ASIC2: variants seen among roughly 807,000 people sequenced by gnomAD.
ASIC2 encodes the protein acid sensing ion channel subunit 2.
Under a neutral mutation model 57.3 loss-of-function variants are expected in ASIC2, and 25 were observed. That is an observed-to-expected ratio of 0.44 (90% confidence interval 0.32 to 0.61). ASIC2 has a LOEUF of 0.61. Ranked by LOEUF, ASIC2 falls within the 20% of genes least tolerant of loss-of-function variation. The pLI is 0.06. For synonymous variants in ASIC2, 319 were observed against 307.5 expected, an observed-to-expected ratio of 1.04 and a Z score of -0.39; for missense variants, 641 against 738.1, an observed-to-expected ratio of 0.87 and a Z score of 1.52.
At chr17:33,506,402 G>T (rs891193906) in intron 1 of ASIC2, among the ~76,000 whole-genome samples, 2 of 147,574 alleles carry the variant, frequency 1.4e-5, no homozygotes, top group African/African-American at 2.5e-5. Flanking sequence ...GACAAAGCAG[G>T]ACTCCGTCTC....
intron 1 of ASIC2, among the ~76,000 whole-genome samples, chr17:33,983,394 C>T (rs145911141): frequency 7.7e-4 from 117 of 152,240 alleles, no homozygotes; most frequent in Admixed American, 1.6e-3. Context: ...ATGAAATGCT[C>T]CCAACAGCCA....
intron 1 of ASIC2, among the ~76,000 whole-genome samples, chr17:33,958,999 T>C (rs1048475607): frequency 2.0e-5 from 3 of 152,272 alleles, no homozygotes; most frequent in Admixed American, 6.5e-5. Context: ...ACCAGTCTCT[T>C]TGCAAAAAGC....
At chr17:33,304,316 G>A (rs1329526922) in intron 1 of ASIC2, among the ~76,000 whole-genome samples, 1 of 152,218 alleles carries the variant, frequency 6.6e-6, no homozygotes, top group Admixed American at 6.5e-5. Context: ...AGGCGAGACA[G>A]GGTTTAGTTA....
At chr17:33,285,627 A>G (rs1905125148) in intron 1 of ASIC2, among the ~76,000 whole-genome samples, 1 of 152,226 alleles carries the variant, frequency 6.6e-6, no homozygotes, top group Non-Finnish European at 1.5e-5. Context: ...TTCCCAGGAC[A>G]CACCCTGCCT....
intron 1 of ASIC2, among the ~76,000 whole-genome samples, chr17:33,190,943 T>C (rs991840085): frequency 2.0e-5 from 3 of 152,188 alleles, no homozygotes; most frequent in Admixed American, 1.3e-4. Flanking sequence ...AGTGCATACG[T>C]ACCAAAGAAC....
chr17:33,585,827 A>T (rs977021959), intron 1 of ASIC2, among the ~76,000 whole-genome samples: 5 of 152,122 alleles, frequency 3.3e-5, no homozygotes, highest in Non-Finnish European at 7.4e-5. Flanking sequence ...TATTTAATTT[A>T]TATCTTTTAC....
At chr17:33,029,501 G>C (rs1032486413) in intron 3 of ASIC2, among the ~76,000 whole-genome samples, 9 of 152,158 alleles carry the variant, frequency 5.9e-5, no homozygotes, top group African/African-American at 2.2e-4. Flanking sequence ...CATTATGTAT[G>C]ACTACACTAA....
At chr17:33,889,893 G>C (rs1914922285) in intron 1 of ASIC2, among the ~76,000 whole-genome samples, 1 of 152,192 alleles carries the variant, frequency 6.6e-6, no homozygotes, top group South Asian at 2.1e-4. Context: ...GACTGGGCTA[G>C]CTTAGTGAGA....
At chr17:33,682,099 G>A (rs1908020480) in intron 1 of ASIC2, among the ~76,000 whole-genome samples, 1 of 129,876 alleles carries the variant, frequency 7.7e-6, no homozygotes, top group Non-Finnish European at 1.5e-5. Context: ...TCTCTCTGTT[G>A]CCCAGGCTGG....
chr17:34,035,918 C>A (rs1449536695), intron 1 of ASIC2, among the ~76,000 whole-genome samples: 1 of 151,682 alleles, frequency 6.6e-6, no homozygotes, highest in African/African-American at 2.4e-5. Flanking sequence ...AATAGGAACA[C>A]TTTTACACTG....
rs115871425 is a variant in ASIC2 at position 33,590,576 on chromosome 17, A to G, written c.556-478509T>C. Among the ~76,000 whole-genome samples, 447 of 150,984 alleles carry G rather than the reference A, an allele frequency of 3.0e-3. 3 individuals are homozygous for G. Among genetic ancestry groups the G allele is most frequent in the African/African-American group, 0.01 (419 of 41,030 alleles). On this transcript the variant is annotated intron_variant, in intron 1 of 9. Coordinates refer to the ASIC2 transcript ENST00000359872. ...CACCACACCCCAATCTCTACACCACACCCCAATCTCTATACCACACCCCAG... is the reference window on the plus strand; with the variant it reads ...CACCACACCCCAATCTCTACACCACGCCCCAATCTCTATACCACACCCCAG...
chr17:34,091,611 CCCA>C (rs751810664), intron 1 of ASIC2, among the ~76,000 whole-genome samples: 27 of 152,310 alleles, frequency 1.8e-4, no homozygotes, highest in Admixed American at 9.8e-4. Flanking sequence ...ATGGTGAGAT[CCCA>C]CCACCACTTT....
intron 1 of ASIC2, among the ~76,000 whole-genome samples, chr17:33,380,735 C>CA (rs1227558962): frequency 6.6e-6 from 1 of 152,198 alleles, no homozygotes; most frequent in African/African-American, 2.4e-5. Context: ...CCTTGAACTG[C>CA]AGGAGGCCTG....
At chr17:33,789,690 T>C (rs1283423321) in intron 1 of ASIC2, among the ~76,000 whole-genome samples, 4 of 152,198 alleles carry the variant, frequency 2.6e-5, no homozygotes, top group Non-Finnish European at 4.4e-5. Context: ...TGTGTGTGTA[T>C]TGAGTGATTT....
At chr17:33,524,591 A>G (rs1374636941) in intron 1 of ASIC2, among the ~76,000 whole-genome samples, 1 of 152,082 alleles carries the variant, frequency 6.6e-6, no homozygotes, top group Non-Finnish European at 1.5e-5. Context: ...TGTTAGGTGT[A>G]TATGCATATG....
intron 1 of ASIC2, among the ~76,000 whole-genome samples, chr17:33,269,667 C>CTTCCTTCCTTCTTTCCTTTTTCTTTT (rs1904382697): frequency 1.3e-5 from 1 of 78,604 alleles, no homozygotes; most frequent in Non-Finnish European, 2.8e-5. Flanking sequence ...TCCTTCCTTC[C>CTTCCTTCCTTCTTTCCTTTTTCTTTT]TTCCTTCCCT....
At chr17:34,150,801 T>C (rs754448610) in intron 1 of ASIC2, among the ~76,000 whole-genome samples, 7 of 152,046 alleles carry the variant, frequency 4.6e-5, no homozygotes, top group African/African-American at 1.5e-4. Context: ...TTTAGATAAA[T>C]AGACATGGAG....
intron 1 of ASIC2, among the ~76,000 whole-genome samples, chr17:33,664,180 C>G (rs1907396842): frequency 6.6e-6 from 1 of 152,150 alleles, no homozygotes; most frequent in Admixed American, 6.5e-5. Context: ...CCTTAGGGCC[C>G]TTACACATGT....
intron 8 of ASIC2, 102 bp downstream of exon 8, chr17:33,017,503 A>G: frequency 1.1e-6 from 1 of 937,110 alleles, no homozygotes; most frequent in East Asian, 2.5e-5. Context: ...CAGGCTCTGC[A>G]TGGAGAGAGG....
Sources: gnomAD v4.1 joint callset for allele counts (sites outside exome capture counted in the v4.1 genomes callset) on GRCh38, gnomAD v4.1.1 for gene constraint, MANE v1.5 for transcripts, NCBI Gene and HGNC (gene_info 2026-07-23, HGNC 2026-07-21) for gene names.